COL25A1: variants seen among roughly 807,000 people sequenced by gnomAD.
The protein encoded by COL25A1 is collagen type XXV alpha 1 chain.
A neutral mutation model predicts 128.4 loss-of-function variants in COL25A1; 103 were observed. The ratio of observed to expected loss-of-function variants is 0.80; its 90% CI spans 0.68 to 0.94. COL25A1 has a LOEUF of 0.94. Ranked by LOEUF, COL25A1 falls within the 40% of genes least tolerant of loss-of-function variation. COL25A1 has a pLI of 0.00. For synonymous variants in COL25A1, 279 were observed against 277.2 expected (o/e 1.01, Z -0.06); for missense variants, 745 against 840.0 (o/e 0.89, Z 1.40).
intron 3 of COL25A1, among the ~76,000 whole-genome samples, chr4:109,295,610 G>A (rs1724900535): frequency 6.6e-6 from 1 of 152,010 alleles, no homozygotes; most frequent in Admixed American, 6.6e-5. Flanking sequence ...GAAAAACCAT[G>A]TATACTAGGA....
At chr4:108,984,744 T>G (rs894528674) in intron 6 of COL25A1, among the ~76,000 whole-genome samples, 2 of 151,786 alleles carry the variant, frequency 1.3e-5, no homozygotes, top group African/African-American at 4.8e-5. Context: ...CCTCCACACC[T>G]CCCCACAAGC....
intron 13 of COL25A1, among the ~76,000 whole-genome samples, chr4:108,903,503 T>C (rs1357247390): frequency 6.6e-6 from 1 of 152,036 alleles, no homozygotes; most frequent in African/African-American, 2.4e-5. Flanking sequence ...CCCACATTGT[T>C]GAATACTCAT....
chr4:109,062,154 G>A (rs1283000719), intron 3 of COL25A1, among the ~76,000 whole-genome samples: 5 of 152,142 alleles, frequency 3.3e-5, no homozygotes, highest in African/African-American at 9.7e-5. Context: ...AAGTTTGGAC[G>A]AGTGTCAGAG....
intron 3 of COL25A1, among the ~76,000 whole-genome samples, chr4:109,162,589 T>C (rs1772681312): frequency 6.6e-6 from 1 of 152,190 alleles, no homozygotes; most frequent in African/African-American, 2.4e-5. Context: ...GAGTTTGGGT[T>C]GCCAGGAGGA....
intron 35 of COL25A1, among the ~76,000 whole-genome samples, chr4:108,820,500 C>T (rs902890098): frequency 4.6e-5 from 7 of 152,078 alleles, no homozygotes; most frequent in Admixed American, 3.3e-4. Context: ...CCTTTTGTTA[C>T]AGCAAAACTT....
intron 3 of COL25A1, among the ~76,000 whole-genome samples, chr4:109,199,212 CTTTAA>C (rs1776358245): frequency 6.6e-6 from 1 of 152,116 alleles, no homozygotes; most frequent in Non-Finnish European, 1.5e-5. Flanking sequence ...TTATTTCTGA[CTTTAA>C]TTTTAGAGTG....
intron 3 of COL25A1, among the ~76,000 whole-genome samples, chr4:109,291,383 T>C (rs2126285147): frequency 6.6e-6 from 1 of 152,244 alleles, no homozygotes; most frequent in Non-Finnish European, 1.5e-5. Context: ...TCATGTATTC[T>C]CATTGTGCCA....
At chr4:109,074,262 C>T (rs1243922868) in intron 3 of COL25A1, among the ~76,000 whole-genome samples, 1 of 152,174 alleles carries the variant, frequency 6.6e-6, no homozygotes, top group Non-Finnish European at 1.5e-5. Context: ...TCCTAACAGG[C>T]CAAGGAGCAG....
At chr4:109,231,235 A>G (rs1359625459) in intron 3 of COL25A1, among the ~76,000 whole-genome samples, 1 of 152,152 alleles carries the variant, frequency 6.6e-6, no homozygotes, top group Non-Finnish European at 1.5e-5. Context: ...TGAGAGTTAC[A>G]ATATAATTGT....
intron 11 of COL25A1, among the ~76,000 whole-genome samples, chr4:108,923,150 T>C (rs535038109): frequency 1.3e-5 from 2 of 152,312 alleles, no homozygotes; most frequent in East Asian, 1.9e-4. Context: ...TATGTATCTA[T>C]AACACTGTGG....
intron 24 of COL25A1, among the ~76,000 whole-genome samples, chr4:108,854,403 A>AAAAAACT (rs991823204): frequency 1.1e-4 from 17 of 152,186 alleles, no homozygotes; most frequent in African/African-American, 3.4e-4. Context: ...CTGAATAGCA[A>AAAAAACT]AAAAACTACC....
intron 13 of COL25A1, among the ~76,000 whole-genome samples, chr4:108,911,346 G>C (rs1012220036): frequency 6.6e-6 from 1 of 152,180 alleles, no homozygotes; most frequent in Non-Finnish European, 1.5e-5. Flanking sequence ...GAAAGTCTCC[G>C]ATTCAGGGAA....
intron 3 of COL25A1, among the ~76,000 whole-genome samples, chr4:109,098,237 T>TTTC (rs765052414): frequency 6.6e-6 from 1 of 152,202 alleles, no homozygotes; most frequent in Non-Finnish European, 1.5e-5. Context: ...TGATACGCAG[T>TTTC]TTCTAAGACC....
intron 9 of COL25A1, among the ~76,000 whole-genome samples, chr4:108,941,114 G>A (rs1381865065): frequency 6.6e-6 from 1 of 152,152 alleles, no homozygotes; most frequent in Non-Finnish European, 1.5e-5. Context: ...AACTGGATCT[G>A]TTAGTAGTTA....
At chr4:109,014,061 C>A (rs1488818711) in intron 5 of COL25A1, among the ~76,000 whole-genome samples, 1 of 152,072 alleles carries the variant, frequency 6.6e-6, no homozygotes, top group African/African-American at 2.4e-5. Context: ...AATTCCAGCA[C>A]TTTGGGAGGC....
intron 3 of COL25A1, among the ~76,000 whole-genome samples, chr4:109,190,758 A>G (rs1560838842): frequency 6.6e-6 from 1 of 152,218 alleles, no homozygotes; most frequent in Non-Finnish European, 1.5e-5. Context: ...AATATTCTAA[A>G]GCTTGCAATT....
intron 20 of COL25A1, among the ~76,000 whole-genome samples, chr4:108,865,177 T>G (rs1023880988): frequency 2.0e-5 from 3 of 152,222 alleles, no homozygotes; most frequent in Admixed American, 6.5e-5. Flanking sequence ...ATCAAACATT[T>G]AGAATTCAGA....
chr4:108,970,336 A>G (rs915243056), intron 8 of COL25A1, among the ~76,000 whole-genome samples: 1 of 152,216 alleles, frequency 6.6e-6, no homozygotes, highest in Non-Finnish European at 1.5e-5. Context: ...TCCATAATAT[A>G]ACTTCAATCC....
chr4:108,838,161 A>G, intron 31 of COL25A1: 1 of 1,550,208 alleles, frequency 6.5e-7, no homozygotes, highest in Non-Finnish European at 8.7e-7. Flanking sequence ...CTTTAACACC[A>G]TTTAACCCTG....
Sources: allele counts gnomAD v4.1 joint callset (sites outside exome capture counted in the v4.1 genomes callset), GRCh38; gene constraint gnomAD v4.1.1; transcripts MANE v1.5; gene names NCBI Gene and HGNC (gene_info 2026-07-23, HGNC 2026-07-21).